Variants in NATD1 observed in about 807,000 individuals in gnomAD.
NATD1 encodes N-acetyltransferase domain containing 1.
In NATD1, 9 loss-of-function variants were observed where a neutral mutation model predicts 12.0. The observed-to-expected ratio is 0.75, with a 90% confidence interval of 0.45 to 1.30. The LOEUF is 1.30. Ranked by LOEUF, NATD1 falls within the 50% of genes most tolerant of loss-of-function variation. NATD1 has a pLI of 0.00. For synonymous variants in NATD1, 71 were observed against 65.9 expected (o/e 1.08, Z -0.37); for missense variants, 148 against 148.5 (o/e 1.00, Z 0.02).
chr17:21,243,181 C>T lies in NATD1; in HGVS notation c.*132G>A. The T allele has an allele frequency of 1.5e-6, 1 of 675,570 alleles. No homozygotes were observed. The highest frequency in any genetic ancestry group is 2.7e-5 in the East Asian group (1 of 36,790). 41.8% of individuals were successfully genotyped at this position (675,570 alleles called of 1,614,324 possible). On this transcript the variant is annotated 3_prime_UTR_variant, in exon 3 of 3. Coordinates refer to ENST00000611551, the MANE Select transcript of NATD1 (RefSeq NM_152914.3). ...TGCCTCCAGGGATCTGGACGTGGGG[C>T]ACAGATGAGTGTCCTTACAAAAATA...
At position 21,244,881 on chromosome 17, in the gene NATD1, C is replaced by G. The variant is rs78183061; in HGVS notation, c.107-657G>C. On this transcript the variant is annotated intron_variant, in intron 1 of 2. Transcript: ENST00000611551. The surrounding 1 kb of genome is among the most constrained non-coding windows in gnomAD (Gnocchi z 5.2). ...ACAATTAACTGAACTTTTTCCTAAT[C>G]ACAGTTTTTAGTGTCTCATCTATTT... is the stretch of plus-strand genomic sequence containing the variant. 6.4e-3 allele frequency among the ~76,000 whole-genome samples: 969 copies of G among 152,302 alleles called. 15 individuals are homozygous for G. Among genetic ancestry groups the G allele is most frequent in the African/African-American group, 0.022 (901 of 41,558 alleles).
intron 1 of NATD1, 86 bp downstream of exon 1, chr17:21,253,073 G>T: frequency 1.5e-6 from 1 of 673,496 alleles, no homozygotes; most frequent in Non-Finnish European, 1.8e-6. Flanking sequence ...CGGGCGCGCG[G>T]GGGACAGGCA....
intron 1 of NATD1, among the ~76,000 whole-genome samples, chr17:21,249,411 G>A (rs932408104): frequency 6.6e-6 from 1 of 152,148 alleles, no homozygotes; most frequent in Admixed American, 6.5e-5. Flanking sequence ...TGAGCCTGGA[G>A]AAGCTCAACC....
rs1453126716 is a variant in NATD1, at chr17:21,245,912, C to T, written c.107-1688G>A. On this transcript the variant is annotated intron_variant, in intron 1 of 2. Transcript: ENST00000611551. ...GCCTGCCACCCTGGCCAAGGCCCAG[C>T]TGTGGCCACTGCCGCCTGTCCTGGC... Among the ~76,000 whole-genome samples, 7 of 152,218 alleles carry T rather than the reference C, an allele frequency of 4.6e-5. No individual in the cohort carries two copies. The South Asian group carries it at 1.2e-3, about 27-fold the overall frequency.
chr17:21,243,540 C>A, intron 2 of NATD1, 111 bp from the exon 3 acceptor site: 1 of 764,760 alleles, frequency 1.3e-6, no homozygotes, highest in East Asian at 2.6e-5. Context: ...CCACTTTGCC[C>A]AGGTCAGTAA....
chr17:21,243,119 G>A lies in NATD1; in HGVS notation c.*194C>T, dbSNP rs560604681. 38 of 540,164 alleles carry A rather than the reference G, an allele frequency of 7.0e-5. No homozygotes were observed. Among genetic ancestry groups the A allele is most frequent in the African/African-American group, 6.4e-4 (34 of 52,880 alleles). The allele number at this position is 540,164 out of a possible 1,614,324, so 33.5% of individuals were successfully genotyped here. ...GCCGGGACTACCTGGCCTCCTTGCCGCCTCGGTTACCGGGTCACCGCCCAT... is the reference window on the plus strand; with the variant it reads ...GCCGGGACTACCTGGCCTCCTTGCCACCTCGGTTACCGGGTCACCGCCCAT... On this transcript the variant is annotated 3_prime_UTR_variant, in exon 3 of 3. Transcript: ENST00000611551.
intron 1 of NATD1, among the ~76,000 whole-genome samples, chr17:21,247,932 C>T (rs910302059): frequency 6.6e-6 from 1 of 152,108 alleles, no homozygotes. Flanking sequence ...GGGCAGGTGA[C>T]GTTTGGGCTC....
At chr17:21,251,870 G>C (rs984290984) in intron 1 of NATD1, among the ~76,000 whole-genome samples, 1 of 152,146 alleles carries the variant, frequency 6.6e-6, no homozygotes, top group Admixed American at 6.5e-5. Context: ...TTCCCTTCTT[G>C]AAAATGGGCA....
At chr17:21,246,557 C>T (rs1032061412) in intron 1 of NATD1, among the ~76,000 whole-genome samples, 30 of 149,934 alleles carry the variant, frequency 2.0e-4, no homozygotes, top group East Asian at 2.0e-4. Context: ...CATGGTGGTA[C>T]ACACCTATGG....
chr17:21,246,293 C>A (rs1975324224), intron 1 of NATD1, among the ~76,000 whole-genome samples: 1 of 152,158 alleles, frequency 6.6e-6, no homozygotes, highest in Non-Finnish European at 1.5e-5. Flanking sequence ...GTGGGTGGAT[C>A]ACCTGAGTTC....
chr17:21,241,039 G>A lies in NATD1; in HGVS notation c.*2274C>T, dbSNP rs2364093. 126,261 of 152,710 alleles carry A rather than the reference G, an allele frequency of 0.83. 52,663 individuals carry two copies. Among genetic ancestry groups the A allele is most frequent in the African/African-American group, 0.94 (39,193 of 41,588 alleles). 9.5% of individuals were successfully genotyped at this position (152,710 alleles called of 1,614,324 possible). ...AGCCCTAGTCTCAGTTCCTGGGCCC[G>A]GGGCCTCTGCAGGCCTCCACCACCC... On this transcript the variant is annotated 3_prime_UTR_variant, in exon 3 of 3. Transcript: ENST00000611551.
Position 21,243,013 on chromosome 17 carries a change from G to A in NATD1, c.*300C>T, listed in dbSNP as rs1370111350. On this transcript the variant is annotated 3_prime_UTR_variant, in exon 3 of 3. Transcript: ENST00000611551. ...CTGATCTCCAAGTGGAGCCCGGTGG[G>A]CAGGATGCAGGCTGGCTCTAGCCCC... The A allele has an allele frequency of 1.8e-5, 5 of 271,878 alleles. No homozygotes were observed. Among genetic ancestry groups the A allele is most frequent in the Non-Finnish European group, 3.5e-5 (5 of 143,068 alleles). The allele number at this position is 271,878 out of a possible 1,614,324, so 16.8% of individuals were successfully genotyped here. A position where few individuals can be genotyped will look rare whatever the true frequency, so the allele number is the denominator to read the frequency against.
At position 21,253,175 on chromosome 17, in the gene NATD1, G is replaced by A; in HGVS notation, c.90C>T (p.Phe30=). 9.8e-7 allele frequency: 1 copy of A among 1,019,846 alleles called. No homozygotes were observed. The highest frequency in any genetic ancestry group is 8.6e-5 in the East Asian group (1 of 11,568). The allele number at this position is 1,019,846 out of a possible 1,614,324, so 63.2% of individuals were successfully genotyped here. A position where few individuals can be genotyped will look rare whatever the true frequency, so the allele number is the denominator to read the frequency against. ...CCGCCTTACCGTTGAGCCGGACAGT[G>A]AACTGGCGGCGCCGGCGGTCGTGCT... ...RVEHDRRRRQ[F]TVRLNGCHDR... is the part of the protein sequence containing the mutation. The change falls in exon 1 of 3, where the codon TTC becomes TTT. Residue 30 remains phenylalanine (F), a synonymous_variant. Transcript: ENST00000611551.
At position 21,253,242 on chromosome 17, in the gene NATD1, A is replaced by ACGG; in HGVS notation, c.20_22dup (p.Ala7dup). ...GCCCTGCTCCAGCGCGCCCAGCGGC[A>ACGG]CGGCGGCAGCCGAGTGCGCCATCTG... On this transcript the variant is annotated inframe_insertion, in exon 1 of 3. Coordinates refer to ENST00000611551, the MANE Select transcript of NATD1 (RefSeq NM_152914.3). 1.0e-6 allele frequency: 1 copy of ACGG among 997,830 alleles called. No homozygotes were observed. Among genetic ancestry groups the ACGG allele is most frequent in the Non-Finnish European group, 1.2e-6 (1 of 839,754 alleles). The allele number at this position is 997,830 out of a possible 1,614,324, so 61.8% of individuals were successfully genotyped here.
chr17:21,244,133 C>T lies in NATD1; in HGVS notation c.198G>A (p.Gly66=). ...TGGCAAGGTGCTTGGCGATGCCACG[C>T]CCACGGTAGGCATCTGGGACCTCGG... is the stretch of plus-strand genomic sequence containing the variant. ...QHTEVPDAYR[G]RGIAKHLAKA... Residue 66 remains glycine (G), a synonymous_variant, in exon 2 of 3, where the codon GGG becomes GGA. Transcript: ENST00000611551. This position sits in a 1 kb window ranked among gnomAD's most constrained non-coding sequence, Gnocchi z 5.2. 6.2e-7 allele frequency: 1 copy of T among 1,612,930 alleles called. No homozygotes were observed. Among genetic ancestry groups the T allele is most frequent in the Non-Finnish European group, 8.5e-7 (1 of 1,179,762 alleles).
chr17:21,249,050 A>G (rs1975352718), intron 1 of NATD1, among the ~76,000 whole-genome samples: 1 of 151,992 alleles, frequency 6.6e-6, no homozygotes, highest in Non-Finnish European at 1.5e-5. Flanking sequence ...CTCGGGACCA[A>G]AGGGGGCCAG....
At chr17:21,250,276 T>G (rs565947954) in intron 1 of NATD1, among the ~76,000 whole-genome samples, 1 of 152,234 alleles carries the variant, frequency 6.6e-6, no homozygotes, top group Non-Finnish European at 1.5e-5. Context: ...TCCCTCCACT[T>G]GGAACACTCT....
intron 1 of NATD1, among the ~76,000 whole-genome samples, chr17:21,249,202 G>A (rs915256666): frequency 6.6e-6 from 1 of 152,158 alleles, no homozygotes; most frequent in Non-Finnish European, 1.5e-5. Context: ...CCCGCAAGGA[G>A]AGCTGGCAGA....
At position 21,240,515 on chromosome 17, in the gene NATD1, A is replaced by C. The variant is rs1234315269; in HGVS notation, c.*2798T>G. On this transcript the variant is annotated 3_prime_UTR_variant, in exon 3 of 3. Transcript: ENST00000611551. ...CTCTGAGACCTGTTGATGAGCTTGGAGAATGAGGAAGGGGACGGTCCAGCG... is the reference window on the plus strand; with the variant it reads ...CTCTGAGACCTGTTGATGAGCTTGGCGAATGAGGAAGGGGACGGTCCAGCG... The C allele has an allele frequency of 6.6e-6, 1 of 152,606 alleles. No homozygotes were observed. The highest frequency in any genetic ancestry group is 1.9e-4 in the East Asian group (1 of 5,186). The allele number at this position is 152,606 out of a possible 1,614,324, so 9.5% of individuals were successfully genotyped here. A position where few individuals can be genotyped will look rare whatever the true frequency, so the allele number is the denominator to read the frequency against.
Sources: allele counts gnomAD v4.1 joint callset (sites outside exome capture counted in the v4.1 genomes callset), GRCh38; gene constraint gnomAD v4.1.1; non-coding constraint Gnocchi (gnomAD v3.1); transcripts MANE v1.5; gene names NCBI Gene and HGNC (gene_info 2026-07-23, HGNC 2026-07-21).